The following SLC15A1 variants were observed in gnomAD, a reference collection of about 807,000 sequenced individuals.
The protein encoded by SLC15A1 is solute carrier family 15 member 1, also known as Caco-2 oligopeptide transporter.
In SLC15A1, 83 loss-of-function variants were observed where a neutral mutation model predicts 92.9. The observed-to-expected ratio is 0.89, with a 90% CI of 0.75 to 1.07. The LOEUF is 1.07. Ranked by LOEUF, SLC15A1 falls within the 50% of genes least tolerant of loss-of-function variation. The pLI, the probability that SLC15A1 is intolerant of heterozygous loss-of-function variation, is 0.00. For missense variants in SLC15A1, 857 were observed against 880.1 expected, an observed-to-expected ratio of 0.97 and a Z score of 0.33; for synonymous variants, 322 against 318.2, an observed-to-expected ratio of 1.01 and a Z score of -0.13.
At chr13:98,703,918 G>T (rs2088090665) in intron 17 of SLC15A1, among the ~76,000 whole-genome samples, 1 of 151,838 alleles carries the variant, frequency 6.6e-6, no homozygotes, top group South Asian at 2.1e-4. Context: ...TGACTATTTA[G>T]TGCAAATTTT....
At chr13:98,749,384 G>T (rs1209504114) in intron 1 of SLC15A1, among the ~76,000 whole-genome samples, 1 of 152,190 alleles carries the variant, frequency 6.6e-6, no homozygotes, top group African/African-American at 2.4e-5. Context: ...CAACCTGGAG[G>T]TCTTGGCAGA....
rs368610950 is a variant in SLC15A1, at chr13:98,704,419, G to A, written c.1286C>T (p.Thr429Ile). ...GPMSQTNAFM[T>I]FDVNKLTRIN... ...CCTTGTCAGTTTGTTTACATCAAAAGTCATAAATGCATTTGTCTATAGAGG... is the reference window on the plus strand; with the variant it reads ...CCTTGTCAGTTTGTTTACATCAAAAATCATAAATGCATTTGTCTATAGAGG... Residue 429 changes from threonine to isoleucine, a missense_variant, in exon 17 of 23, where the codon ACT becomes ATT. Coordinates refer to ENST00000376503, the MANE Select transcript of SLC15A1 (RefSeq NM_005073.4). 214 of 1,613,350 alleles carry A rather than the reference G, an allele frequency of 1.3e-4. No homozygotes were observed. Among genetic ancestry groups the A allele is most frequent in the Non-Finnish European group, 1.7e-4 (206 of 1,179,712 alleles).
chr13:98,738,862 T>C (rs1295600559), intron 1 of SLC15A1, among the ~76,000 whole-genome samples: 1 of 152,210 alleles, frequency 6.6e-6, no homozygotes, highest in Non-Finnish European at 1.5e-5. Flanking sequence ...GACCCTAGGA[T>C]GGTAGATCCA....
intron 8 of SLC15A1, 59 bp downstream of exon 8, chr13:98,719,178 A>G: frequency 2.4e-6 from 3 of 1,238,916 alleles, no homozygotes; most frequent in Non-Finnish European, 3.5e-6. Context: ...AGTCACAATC[A>G]TTCACGTAGG....
intron 1 of SLC15A1, among the ~76,000 whole-genome samples, chr13:98,743,475 G>A (rs534982704): frequency 6.6e-6 from 1 of 152,088 alleles, no homozygotes; most frequent in African/African-American, 2.4e-5. Context: ...GATCTCTCTG[G>A]GACCCAGGAT....
intron 18 of SLC15A1, among the ~76,000 whole-genome samples, chr13:98,698,324 A>T (rs914707101): frequency 2.0e-5 from 3 of 152,214 alleles, no homozygotes; most frequent in Admixed American, 2.0e-4. Flanking sequence ...TAGCACAGGG[A>T]AAACAGAAAC....
chr13:98,741,476 C>T (rs1242757481), intron 1 of SLC15A1, among the ~76,000 whole-genome samples: 5 of 152,166 alleles, frequency 3.3e-5, no homozygotes, highest in Admixed American at 2.6e-4. Flanking sequence ...AGCTACACTC[C>T]TGCAATCCCA....
chr13:98,709,684 T>A, intron 13 of SLC15A1, 24 bp from the exon 14 acceptor site: 1 of 1,614,074 alleles, frequency 6.2e-7, no homozygotes, highest in Non-Finnish European at 8.5e-7. Context: ...GGAGGAGAAA[T>A]GTTAAGCTTG....
Position 98,726,435 on chromosome 13 carries a change from A to AT in SLC15A1, c.35dup (p.Tyr12Ter). ...CCACGATGAAGAAGATGCTCAGGGGATAACCAAAGAAACTCTGACAAAAAA... is the reference window on the plus strand; with the variant it reads ...CCACGATGAAGAAGATGCTCAGGGGATTAACCAAAGAAACTCTGACAAAAAA... The part of the protein sequence containing the change: ...GMSKSHSFFG[Y>*]PLSIFFIVVN... The change falls in exon 3 of 23, where the codon TAT becomes TAAT. Residue 12 changes from tyrosine (Y) to a stop codon, truncating the protein, a stop_gained and frameshift_variant. Transcript: ENST00000376503. LOFTEE classifies it high-confidence loss of function. 1 of 1,614,076 alleles carries AT rather than the reference A, an allele frequency of 6.2e-7. No individual in the cohort carries two copies. The highest frequency in any genetic ancestry group is 1.7e-5 in the Admixed American group (1 of 60,020).
rs2088234913 is a variant in SLC15A1, at chr13:98,719,246, C to T, written c.631G>A (p.Val211Ile). The change falls in exon 8 of 23, where the codon GTA becomes ATA. Residue 211 changes from valine to isoleucine, a missense_variant. By Grantham distance (29) the Val-to-Ile change is conservative (BLOSUM62 3). Coordinates refer to ENST00000376503, the MANE Select transcript of SLC15A1 (RefSeq NM_005073.4). Reference sequence around the variant, plus strand: ...ACCGATTTCCACTTACTCAGGGCTACAGCCATGAGAGCAGCAGGAACCCCA... The same window carrying T: ...ACCGATTTCCACTTACTCAGGGCTATAGCCATGAGAGCAGCAGGAACCCCA... ...AFGVPAALMA[V>I]ALIVFVLGSG... The T allele has an allele frequency of 6.2e-7, 1 of 1,611,466 alleles. No homozygotes were observed. The highest frequency in any genetic ancestry group is 8.5e-7 in the Non-Finnish European group (1 of 1,177,702).
chr13:98,685,761 G>A (rs1039447948), intron 22 of SLC15A1, among the ~76,000 whole-genome samples: 1 of 152,164 alleles, frequency 6.6e-6, no homozygotes, highest in African/African-American at 2.4e-5. Flanking sequence ...GCCAAGGTGG[G>A]CAGATAGCGA....
Position 98,688,230 on chromosome 13 carries a change from A to G in SLC15A1, c.1683+18T>C. The G allele has an allele frequency of 6.5e-7, 1 of 1,528,324 alleles. No individual in the cohort carries two copies. Among genetic ancestry groups the G allele is most frequent in the Non-Finnish European group, 9.0e-7 (1 of 1,105,188 alleles). The allele number at this position is 1,528,324 out of a possible 1,614,324, so 94.7% of individuals were successfully genotyped here. ...GAGTATGAGCAGATCTTCTGATACA[A>G]TGAAACGAGTTACTAACCTTCCTTT... On this transcript the variant is annotated intron_variant, in intron 20 of 22. Transcript: ENST00000376503.
rs2088224571 is a variant in SLC15A1, at chr13:98,718,043, T to TG, written c.640+1193dup. Reference sequence around the variant, plus strand: ...GGGAAAGAATTCTAGTAGAAACATATGGGGGGCGGGGGGAGGTGATACTAG... The same window carrying TG: ...GGGAAAGAATTCTAGTAGAAACATATGGGGGGGCGGGGGGAGGTGATACTAG... On this transcript the variant is annotated intron_variant, in intron 8 of 22. Coordinates refer to ENST00000376503, the MANE Select transcript of SLC15A1 (RefSeq NM_005073.4). Among the ~76,000 whole-genome samples, 7 of 146,490 alleles carry TG rather than the reference T, an allele frequency of 4.8e-5. No homozygotes were observed. In the South Asian group the frequency reaches 1.6e-3, roughly 33 times the overall value.
intron 16 of SLC15A1, 62 bp from the exon 17 acceptor site, chr13:98,704,497 C>T (rs998357651): frequency 2.1e-5 from 31 of 1,461,886 alleles, no homozygotes; most frequent in African/African-American, 4.3e-5. Context: ...TGCAACTGAA[C>T]GCTGGAAGAG....
Position 98,684,760 on chromosome 13 carries a change from A to G in SLC15A1, c.2091T>C (p.Tyr697=), listed in dbSNP as rs149309549. ...KKNRLEKSNP[Y]FMSGANSQKQ... ...TCTGTGAATTGGCCCCTGACATGAA[A>G]TATGGGTTACTCTTTTCCAGTCTGT... Residue 697 remains tyrosine, a synonymous_variant, in exon 23 of 23, where the codon TAT becomes TAC. Transcript: ENST00000376503. 2.0e-5 allele frequency: 33 copies of G among 1,613,940 alleles called. No individual in the cohort carries two copies. The highest frequency in any genetic ancestry group is 4.0e-5 in the African/African-American group (3 of 74,888).
Position 98,688,591 on chromosome 13 carries a change from C to G in SLC15A1, c.1467-14G>C. On this transcript the variant is annotated splice_polypyrimidine_tract_variant and intron_variant, in intron 18 of 22. Coordinates refer to ENST00000376503, the MANE Select transcript of SLC15A1 (RefSeq NM_005073.4). ...GTATTTACAAATCTGAAACAGAAAA[C>G]CATCTGTCTTGTAACTGAACTAGAG... 6.3e-7 allele frequency: 1 copy of G among 1,584,118 alleles called. No individual in the cohort carries two copies. The highest frequency in any genetic ancestry group is 8.7e-7 in the Non-Finnish European group (1 of 1,153,294).
Position 98,684,851 on chromosome 13 carries a change from G to A in SLC15A1, c.2000C>T (p.Ala667Val), listed in dbSNP as rs769397773. Residue 667 changes from alanine to valine, a missense_variant, in exon 23 of 23, where the codon GCT (alanine) becomes GTT (valine). Ala to Val is a moderately conservative substitution (Grantham distance 64). Transcript: ENST00000376503. Reference sequence around the variant, plus strand: ...TGGGTTGATGTAAGTATAGAACCGAGCCATGATGGCAAAAATTACACAGAC... The same window carrying A: ...TGGGTTGATGTAAGTATAGAACCGAACCATGATGGCAAAAATTACACAGAC... ...LVVCVIFAIM[A>V]RFYTYINPAE... The A allele has an allele frequency of 2.5e-6, 4 of 1,613,994 alleles. No homozygotes were observed. Among genetic ancestry groups the A allele is most frequent in the African/African-American group, 2.7e-5 (2 of 74,904 alleles).
intron 18 of SLC15A1, among the ~76,000 whole-genome samples, chr13:98,695,923 C>CT (rs2088017291): frequency 1.3e-5 from 2 of 152,028 alleles, no homozygotes; most frequent in Non-Finnish European, 2.9e-5. Flanking sequence ...AGAACTTCTC[C>CT]TTTTTTGTGT....
Position 98,723,997 on chromosome 13 carries a change from C to T in SLC15A1, c.280G>A (p.Gly94Arg). ...IVSLSIVYTI[G>R]QAVTSVSSIN... ...GAGCTTACTGAGGTGACTGCTTGTC[C>T]AATTGTGTAGACAATGGAGAGCGAC... Residue 94 changes from glycine to arginine, a missense_variant, in exon 5 of 23, where the codon GGA becomes AGA. Transcript: ENST00000376503. The T allele has an allele frequency of 1.2e-6, 2 of 1,614,092 alleles. No individual in the cohort carries two copies. The highest frequency in any genetic ancestry group is 1.7e-6 in the Non-Finnish European group (2 of 1,179,998).
Sources: allele counts gnomAD v4.1 joint callset (sites outside exome capture counted in the v4.1 genomes callset), GRCh38; gene constraint gnomAD v4.1.1; transcripts MANE v1.5; gene names NCBI Gene and HGNC (gene_info 2026-07-23, HGNC 2026-07-21).